The following GRID1 variants were observed in gnomAD, a reference collection of about 807,000 sequenced individuals.
GRID1 encodes glutamate receptor ionotropic, delta-1.
GRID1 carries 28 observed loss-of-function variants against 98.0 expected under a neutral mutation model. The observed-to-expected ratio is 0.29, with a 90% CI of 0.21 to 0.39. The LOEUF (loss-of-function observed/expected upper bound fraction) is 0.39. GRID1 is among the 10% of genes least tolerant of loss of function. The pLI is 1.00. For synonymous variants in GRID1, 553 were observed against 538.5 expected, an observed-to-expected ratio of 1.03 and a Z score of -0.37; for missense variants, 1,111 against 1,340.5, an observed-to-expected ratio of 0.83 and a Z score of 2.67.
chr10:85,737,983 T>C (rs990855575), intron 8 of GRID1, among the ~76,000 whole-genome samples: 1 of 151,838 alleles, frequency 6.6e-6, no homozygotes, highest in African/African-American at 2.4e-5. Flanking sequence ...TTTAACAATC[T>C]TAAAGGTCAG....
chr10:86,034,027 A>C (rs1843222162), intron 4 of GRID1, among the ~76,000 whole-genome samples: 1 of 152,230 alleles, frequency 6.6e-6, no homozygotes, highest in African/African-American at 2.4e-5. Context: ...TCAAATTTAC[A>C]ACTTCAGAAT....
intron 13 of GRID1, among the ~76,000 whole-genome samples, chr10:85,637,383 T>C (rs1277655430): frequency 6.6e-6 from 1 of 152,222 alleles, no homozygotes; most frequent in African/African-American, 2.4e-5. Context: ...TGAGTGGATC[T>C]GCCGTTGGGT....
At position 86,169,637 on chromosome 10, in the gene GRID1, T is replaced by C. The variant is rs1845453203; in HGVS notation, c.521-30613A>G. 2.6e-5 allele frequency among the ~76,000 whole-genome samples: 4 copies of C among 152,098 alleles called. No individual in the cohort carries two copies. The South Asian group carries it at 8.3e-4, about 32-fold the overall frequency. On this transcript the variant is annotated intron_variant, in intron 3 of 15. Coordinates refer to ENST00000327946, the MANE Select transcript of GRID1 (RefSeq NM_017551.3). ...GTCAGCAAGTCAGAAGAGCACAAAA[T>C]TCCTCTAGCAGTTTCCAGCAGCAGT...
At chr10:85,964,767 C>G (rs1414540235) in intron 4 of GRID1, among the ~76,000 whole-genome samples, 1 of 152,126 alleles carries the variant, frequency 6.6e-6, no homozygotes, top group African/African-American at 2.4e-5. Flanking sequence ...AAAGCAATGG[C>G]AATGAAAGCC....
chr10:85,734,129 A>C (rs1057102366), intron 8 of GRID1, among the ~76,000 whole-genome samples: 2 of 152,100 alleles, frequency 1.3e-5, no homozygotes, highest in Non-Finnish European at 2.9e-5. Flanking sequence ...TTTGGCTGTA[A>C]GGAATTTTGG....
chr10:86,254,236 C>T (rs1023528584), intron 2 of GRID1, among the ~76,000 whole-genome samples: 4 of 152,218 alleles, frequency 2.6e-5, no homozygotes, highest in African/African-American at 9.6e-5. Flanking sequence ...CTGTCCTCAC[C>T]ACCTGTGAGT....
chr10:86,023,320 C>T (rs1356428421), intron 4 of GRID1, among the ~76,000 whole-genome samples: 4 of 152,196 alleles, frequency 2.6e-5, no homozygotes, highest in Non-Finnish European at 5.9e-5. Context: ...CCAATATGGC[C>T]TGCGGGCTCA....
chr10:85,669,729 C>T lies in GRID1; in HGVS notation c.1998-22332G>A, dbSNP rs182545957. 2.6e-5 allele frequency among the ~76,000 whole-genome samples: 4 copies of T among 152,246 alleles called. 1 individual carries two copies. The highest frequency in any genetic ancestry group is 1.3e-4 in the Admixed American group (2 of 15,302). Reference sequence around the variant, plus strand: ...CCCCAGACGGATCTTATCCTGAGGCCCCCTTCTGTGTCCTGCTCCAACTGG... The same window carrying T: ...CCCCAGACGGATCTTATCCTGAGGCTCCCTTCTGTGTCCTGCTCCAACTGG... On this transcript the variant is annotated intron_variant, in intron 12 of 15. Transcript: ENST00000327946.
chr10:85,612,321 C>T (rs1036703931), intron 15 of GRID1, among the ~76,000 whole-genome samples: 9 of 152,304 alleles, frequency 5.9e-5, no homozygotes, highest in Middle Eastern at 3.4e-3. Context: ...AAGAGCCCGC[C>T]GGCTCTTACC....
chr10:85,787,369 T>C (rs1184759824), intron 8 of GRID1, among the ~76,000 whole-genome samples: 2 of 152,164 alleles, frequency 1.3e-5, no homozygotes, highest in African/African-American at 4.8e-5. Context: ...GAGTCTGCTG[T>C]CCACCTGGAC....
rs183810823 is a variant in GRID1 at position 85,890,270 on chromosome 10, A to G, written c.781-21090T>C. On this transcript the variant is annotated intron_variant, in intron 5 of 15. Coordinates refer to ENST00000327946, the MANE Select transcript of GRID1 (RefSeq NM_017551.3). ...TTAACAATAATATACTGTATATTTC[A>G]TAATAGCTAGAAGAGAGGTTTCTGA... Among the ~76,000 whole-genome samples, 321 of 152,216 alleles carry G rather than the reference A, an allele frequency of 2.1e-3. 2 individuals carry two copies. The highest frequency in any genetic ancestry group is 2.3e-3 in the Non-Finnish European group (156 of 67,998).
chr10:85,783,366 A>G (rs1171500622), intron 8 of GRID1, among the ~76,000 whole-genome samples: 2 of 152,188 alleles, frequency 1.3e-5, no homozygotes, highest in South Asian at 4.1e-4. Context: ...TCTGACAGAG[A>G]GACTGACCAC....
intron 3 of GRID1, among the ~76,000 whole-genome samples, chr10:86,191,616 C>T (rs1345901789): frequency 6.6e-6 from 1 of 152,140 alleles, no homozygotes; most frequent in Non-Finnish European, 1.5e-5. Flanking sequence ...CCTCTCTCTG[C>T]TTCCAGTGTC....
chr10:86,211,463 A>G (rs756871784), intron 2 of GRID1, among the ~76,000 whole-genome samples: 2 of 152,198 alleles, frequency 1.3e-5, no homozygotes, highest in African/African-American at 2.4e-5. Flanking sequence ...CACAAAAGAA[A>G]GGGCTACTCA....
At chr10:85,864,378 G>A (rs1209384261) in intron 6 of GRID1, among the ~76,000 whole-genome samples, 1 of 152,196 alleles carries the variant, frequency 6.6e-6, no homozygotes, top group African/African-American at 2.4e-5. Flanking sequence ...AATCTGAGGC[G>A]ACGGTGTGAA....
At chr10:85,618,751 G>A (rs184775483) in intron 14 of GRID1, among the ~76,000 whole-genome samples, 35 of 152,260 alleles carry the variant, frequency 2.3e-4, no homozygotes, top group Middle Eastern at 3.4e-3. Flanking sequence ...TGAGAGAAGG[G>A]AGGTCGTGGT....
At chr10:85,884,479 G>A (rs1311834490) in intron 5 of GRID1, among the ~76,000 whole-genome samples, 1 of 152,144 alleles carries the variant, frequency 6.6e-6, no homozygotes, top group Non-Finnish European at 1.5e-5. Context: ...AGGGGCCCAA[G>A]AGAAGCATGT....
intron 12 of GRID1, among the ~76,000 whole-genome samples, chr10:85,680,495 G>A (rs914809332): frequency 6.6e-6 from 1 of 152,212 alleles, no homozygotes; most frequent in African/African-American, 2.4e-5. Flanking sequence ...TAAGGATGCA[G>A]AGAAAAGGGA....
intron 2 of GRID1, among the ~76,000 whole-genome samples, chr10:86,254,136 T>C (rs1338662413): frequency 6.6e-6 from 1 of 152,084 alleles, no homozygotes; most frequent in Non-Finnish European, 1.5e-5. Context: ...AGCAAACACC[T>C]TTCCTTAGCA....
Sources: allele counts gnomAD v4.1 joint callset (sites outside exome capture counted in the v4.1 genomes callset), GRCh38; gene constraint gnomAD v4.1.1; transcripts MANE v1.5; gene names NCBI Gene and HGNC (gene_info 2026-07-23, HGNC 2026-07-21).